SIPA1L1: variants seen among roughly 807,000 people sequenced by gnomAD.
The protein encoded by SIPA1L1 is signal induced proliferation associated 1 like 1.
A neutral mutation model predicts 162.7 loss-of-function variants in SIPA1L1; 26 were observed. The ratio of observed to expected loss-of-function variants is 0.16; its 90% confidence interval spans 0.12 to 0.22. The LOEUF (loss-of-function observed/expected upper bound fraction) is 0.22, where lower values mean the gene tolerates loss of function less well. Ranked by LOEUF, SIPA1L1 falls within the 10% of genes least tolerant of loss-of-function variation. SIPA1L1 has a pLI of 1.00. For missense variants in SIPA1L1, 1,874 were observed against 2,241.0 expected (o/e 0.84, Z 3.31); for synonymous variants, 829 against 837.4 (o/e 0.99, Z 0.17).
intron 17 of SIPA1L1, among the ~76,000 whole-genome samples, chr14:71,713,372 CAT>C (rs529231910): frequency 6.4e-4 from 97 of 152,316 alleles, no homozygotes; most frequent in Non-Finnish European, 1.1e-3. Flanking sequence ...TGAGAGCATA[CAT>C]AGAGTCTTTG....
At chr14:71,705,409 G>A in intron 16 of SIPA1L1, 69 bp downstream of exon 16, 1 of 1,145,594 alleles carries the variant, frequency 8.7e-7, no homozygotes, top group East Asian at 2.3e-5. Flanking sequence ...CTATGAAAAT[G>A]CTCTGCTCTT....
chr14:71,435,427 T>C (rs2044301710), intron 2 of SIPA1L1, among the ~76,000 whole-genome samples: 1 of 152,174 alleles, frequency 6.6e-6, no homozygotes, highest in South Asian at 2.1e-4. Context: ...CATGCGGTGT[T>C]TGGTTTTTTG....
intron 2 of SIPA1L1, among the ~76,000 whole-genome samples, chr14:71,462,966 G>C (rs1452742703): frequency 2.0e-5 from 3 of 152,226 alleles, no homozygotes; most frequent in Non-Finnish European, 4.4e-5. Flanking sequence ...CCAGGTACCA[G>C]GAGATATGTT....
Position 71,723,784 on chromosome 14 carries a change from C to T in SIPA1L1, c.4346C>T (p.Pro1449Leu), listed in dbSNP as rs2150217449. Residue 1449 changes from proline to leucine, a missense_variant, in exon 18 of 24, where the codon CCT becomes CTT. This residue lies in a region of SIPA1L1 where 936 missense variants were observed against 1,051.9 expected (regional missense o/e 0.89). Transcript: ENST00000381232. ...FSSSSSSSSG[P>L]RSFYPRQGAT... ...TCCTCTTCCTCCTCCTCCTCTGGTC[C>T]TAGGAGTTTTTACCCTCGCCAGGGC... 1.2e-6 allele frequency: 2 copies of T among 1,614,218 alleles called. No homozygotes were observed. Among genetic ancestry groups the T allele is most frequent in the Non-Finnish European group, 1.7e-6 (2 of 1,180,040 alleles).
At chr14:71,555,537 C>T (rs559293697) in intron 4 of SIPA1L1, among the ~76,000 whole-genome samples, 2 of 152,302 alleles carry the variant, frequency 1.3e-5, no homozygotes, top group African/African-American at 4.8e-5. Flanking sequence ...GCTTTCTTAT[C>T]ATTTATGTGT....
chr14:71,446,814 T>C (rs1213150386), intron 2 of SIPA1L1, among the ~76,000 whole-genome samples: 3 of 151,450 alleles, frequency 2.0e-5, no homozygotes, highest in Non-Finnish European at 2.9e-5. Context: ...CTTTTCTTCA[T>C]CTCTCCTTGA....
At chr14:71,430,599 C>G (rs1230335781) in intron 2 of SIPA1L1, among the ~76,000 whole-genome samples, 3 of 152,210 alleles carry the variant, frequency 2.0e-5, no homozygotes, top group Non-Finnish European at 4.4e-5. Context: ...AGAGAAATCA[C>G]TTAATCCAGC....
chr14:71,709,049 C>A (rs1190024289), intron 16 of SIPA1L1, among the ~76,000 whole-genome samples, 173 bp from the exon 17 acceptor site: 1 of 151,562 alleles, frequency 6.6e-6, no homozygotes, highest in Admixed American at 6.6e-5. Context: ...ACCATGGATA[C>A]TTCTGAATGG....
chr14:71,640,201 C>T lies in SIPA1L1; in HGVS notation c.1819-10134C>T, dbSNP rs554545056. On this transcript the variant is annotated intron_variant, in intron 7 of 23. Coordinates refer to ENST00000381232, the MANE Select transcript of SIPA1L1 (RefSeq NM_001386936.1). ...TTACAGGTGTGAGCCACCAGGCCCC[C>T]GGCCTAAACCTTGACTTTTAAGCAT... 3.9e-5 allele frequency among the ~76,000 whole-genome samples: 6 copies of T among 152,076 alleles called. No homozygotes were observed. In the South Asian group the frequency reaches 6.2e-4, roughly 16 times the overall value.
chr14:71,422,646 A>G (rs576911645), intron 2 of SIPA1L1, among the ~76,000 whole-genome samples: 1 of 152,354 alleles, frequency 6.6e-6, no homozygotes, highest in African/African-American at 2.4e-5. Context: ...GTGTTGTAGC[A>G]TGTGTAAGAA....
At chr14:71,615,744 G>C (rs2038764039) in intron 5 of SIPA1L1, among the ~76,000 whole-genome samples, 2 of 152,104 alleles carry the variant, frequency 1.3e-5, no homozygotes, top group Non-Finnish European at 2.9e-5. Flanking sequence ...CAGTGGCTCA[G>C]GCCTGTAATC....
chr14:71,682,578 A>G (rs1219429329), intron 12 of SIPA1L1, among the ~76,000 whole-genome samples: 3 of 152,306 alleles, frequency 2.0e-5, no homozygotes, highest in East Asian at 3.9e-4. Context: ...TATTTGGCCA[A>G]TGTGGGATAT....
chr14:71,673,713 G>T (rs755696091), intron 12 of SIPA1L1, among the ~76,000 whole-genome samples: 1 of 152,102 alleles, frequency 6.6e-6, no homozygotes, highest in African/African-American at 2.4e-5. Context: ...AAATTCCTTT[G>T]TCTGATAGTT....
chr14:71,320,948 C>T (rs545919355), intron 1 of SIPA1L1, among the ~76,000 whole-genome samples, 174 bp from the exon 2 acceptor site: 259 of 152,124 alleles, frequency 1.7e-3, no homozygotes, highest in African/African-American at 5.9e-3. Flanking sequence ...AGCCTGTATT[C>T]CGGGTCCCCC....
chr14:71,555,825 T>C (rs1596093351), intron 4 of SIPA1L1, among the ~76,000 whole-genome samples: 1 of 152,082 alleles, frequency 6.6e-6, no homozygotes, highest in Non-Finnish European at 1.5e-5. Flanking sequence ...GGCTGGTGGG[T>C]GGAGCAGTCA....
At chr14:71,413,457 G>A (rs1176706523) in intron 2 of SIPA1L1, among the ~76,000 whole-genome samples, 1 of 152,238 alleles carries the variant, frequency 6.6e-6, no homozygotes, top group African/African-American at 2.4e-5. Flanking sequence ...TTGAGGCGGG[G>A]CATAGTGCAG....
intron 2 of SIPA1L1, among the ~76,000 whole-genome samples, chr14:71,367,108 A>G (rs1323606161): frequency 6.6e-6 from 1 of 152,164 alleles, no homozygotes; most frequent in African/African-American, 2.4e-5. Flanking sequence ...CTTAACATAA[A>G]TAGTAATACT....
At chr14:71,540,468 G>A (rs751852023) in intron 4 of SIPA1L1, among the ~76,000 whole-genome samples, 52 of 152,232 alleles carry the variant, frequency 3.4e-4, no homozygotes, top group Non-Finnish European at 6.0e-4. Flanking sequence ...ATTGTTTGAA[G>A]CCAGGAGCTC....
At chr14:71,483,648 C>A (rs924556099) in intron 2 of SIPA1L1, among the ~76,000 whole-genome samples, 2 of 152,170 alleles carry the variant, frequency 1.3e-5, no homozygotes, top group African/African-American at 4.8e-5. Flanking sequence ...CCCATCCCAC[C>A]CCTGCACCCA....
Sources: gnomAD v4.1 joint callset for allele counts (sites outside exome capture counted in the v4.1 genomes callset) on GRCh38, gnomAD v4.1.1 for gene constraint, gnomAD v4.1.1 regional missense constraint, MANE v1.5 for transcripts, NCBI Gene and HGNC (gene_info 2026-07-23, HGNC 2026-07-21) for gene names.